The following HOXD3 variants were observed in gnomAD, a reference collection of about 807,000 sequenced individuals.
The protein encoded by HOXD3 is homeobox protein Hox-D3.
A neutral mutation model predicts 32.8 loss-of-function variants in HOXD3; 13 were observed. That is an observed-to-expected ratio of 0.40 (90% CI 0.26 to 0.63). HOXD3 has a LOEUF of 0.63. Ranked by LOEUF, HOXD3 falls within the 20% of genes least tolerant of loss-of-function variation. The pLI, the probability that HOXD3 is intolerant of heterozygous loss-of-function variation, is 0.44. For synonymous variants in HOXD3, 241 were observed against 246.8 expected (o/e 0.98, Z 0.22); for missense variants, 504 against 577.1 (o/e 0.87, Z 1.30).
intron 1 of HOXD3, among the ~76,000 whole-genome samples, chr2:176,159,795 G>T (rs919613066): frequency 6.6e-6 from 1 of 152,226 alleles, no homozygotes; most frequent in African/African-American, 2.4e-5. Flanking sequence ...TCGCCTTCCT[G>T]GAGGCGCCGC....
chr2:176,152,664 C>A, upstream of HOXD3: 1 of 1,614,170 alleles, frequency 6.2e-7, no homozygotes, highest in Non-Finnish European at 8.5e-7. The surrounding 1 kb of genome is among the most constrained non-coding windows in gnomAD (Gnocchi z 5.2). Context: ...CTACACCCGG[C>A]AGCAAGTCCT....
Position 176,172,060 on chromosome 2 carries a change from T to A in HOXD3, c.1085T>A (p.Phe362Tyr), listed in dbSNP as rs760531566. The change falls in exon 4 of 4, where the codon TTC becomes TAC. Residue 362 changes from phenylalanine (F) to tyrosine (Y), a missense_variant. Phe to Tyr is a conservative substitution (Grantham distance 22). Around this residue, in one of 3 missense-constraint regions of HOXD3, gnomAD observed 226 missense variants for 246.9 expected, o/e 0.92. Transcript: ENST00000683222. ...QGSPVYVGGN[F>Y]VESMAPASGP... The stretch of plus-strand genomic sequence containing the variant: ...AGCCCGGTGTACGTGGGCGGCAACT[T>A]CGTCGAGTCCATGGCGCCCGCGTCC... The A allele has an allele frequency of 6.2e-7, 1 of 1,609,872 alleles. No homozygotes were observed. Among genetic ancestry groups the A allele is most frequent in the Non-Finnish European group, 8.5e-7 (1 of 1,179,274 alleles).
chr2:176,171,665 G>C lies in HOXD3; in HGVS notation c.690G>C (p.Leu230=), dbSNP rs774817745. 1.2e-6 allele frequency: 2 copies of C among 1,614,064 alleles called. No individual in the cohort carries two copies. Among genetic ancestry groups the C allele is most frequent in the Non-Finnish European group, 1.7e-6 (2 of 1,180,056 alleles). The change falls in exon 4 of 4, where the codon CTG becomes CTC. Residue 230 remains leucine, a synonymous_variant. Coordinates refer to ENST00000683222, the MANE Select transcript of HOXD3 (RefSeq NM_006898.5). ...CGCGCCGCGTGGAGATGGCCAACCT[G>C]CTGAATCTCACGGAACGCCAGATCA... ...CRPRRVEMAN[L]LNLTERQIKI... is the part of the protein sequence containing the mutation.
Position 176,172,570 on chromosome 2 carries a change from T to G in HOXD3, c.*296T>G. 2.5e-6 allele frequency: 1 copy of G among 406,460 alleles called. No homozygotes were observed. Among genetic ancestry groups the G allele is most frequent in the Middle Eastern group, 6.4e-4 (1 of 1,556 alleles). 25.2% of individuals were successfully genotyped at this position (406,460 alleles called of 1,614,324 possible). On this transcript the variant is annotated 3_prime_UTR_variant, in exon 4 of 4. Transcript: ENST00000683222. ...CTGGTAATGGTGTCCCAAAGGTAAG[T>G]CTGAGACCCATCAGCGGCGCGCCCT...
At chr2:176,161,454 G>T (rs1165622393) in intron 1 of HOXD3, among the ~76,000 whole-genome samples, 1 of 152,172 alleles carries the variant, frequency 6.6e-6, no homozygotes, top group East Asian at 1.9e-4. Flanking sequence ...GGCTGAAAAA[G>T]AAATTAAAAC....
intron 1 of HOXD3, among the ~76,000 whole-genome samples, chr2:176,159,514 G>T (rs1225564718): frequency 6.6e-6 from 1 of 152,196 alleles, no homozygotes; most frequent in African/African-American, 2.4e-5. Flanking sequence ...AGCTGGCAAC[G>T]AAACCAAAAC....
upstream of HOXD3, among the ~76,000 whole-genome samples, chr2:176,154,433 C>T (rs1330609250): frequency 1.3e-5 from 2 of 151,950 alleles, no homozygotes; most frequent in Admixed American, 1.3e-4. Context: ...AGGCCTCAGG[C>T]TCCAAAAAAG....
At chr2:176,159,406 T>C (rs2105432247) in intron 1 of HOXD3, among the ~76,000 whole-genome samples, 1 of 152,280 alleles carries the variant, frequency 6.6e-6, no homozygotes, top group African/African-American at 2.4e-5. Context: ...CCTTACCCAC[T>C]CCTCTGGGGC....
rs1342877108 is a variant in HOXD3 at position 176,172,438 on chromosome 2, G to GC, written c.*166dup. The GC allele has an allele frequency of 1.6e-6, 1 of 638,314 alleles. No homozygotes were observed. The highest frequency in any genetic ancestry group is 2.6e-6 in the Non-Finnish European group (1 of 378,222). 39.5% of individuals were successfully genotyped at this position (638,314 alleles called of 1,614,324 possible). On this transcript the variant is annotated 3_prime_UTR_variant, in exon 4 of 4. Transcript: ENST00000683222. The stretch of plus-strand genomic sequence containing the variant: ...CAGCGGCGGAGGCGCAGGCGACCGG[G>GC]CCTCCCCTCCATGGGCGTCCTTTGG...
intron 1 of HOXD3, among the ~76,000 whole-genome samples, chr2:176,160,732 G>C (rs1045253749): frequency 6.6e-6 from 1 of 152,154 alleles, no homozygotes; most frequent in Non-Finnish European, 1.5e-5. Context: ...GCTCTGGGGG[G>C]CCTGGGAGGG....
upstream of HOXD3, chr2:176,152,928 C>G: frequency 1.9e-6 from 3 of 1,614,174 alleles, no homozygotes; most frequent in South Asian, 1.1e-5. This position sits in a 1 kb window ranked among gnomAD's most constrained non-coding sequence, Gnocchi z 5.2. Flanking sequence ...CCACACGGAC[C>G]TGACGACCTT....
chr2:176,168,079 T>C (rs1691038237), intron 2 of HOXD3, among the ~76,000 whole-genome samples: 1 of 152,130 alleles, frequency 6.6e-6, no homozygotes, highest in African/African-American at 2.4e-5. Context: ...AAACTCTTCT[T>C]ACATTTAGGA....
intron 3 of HOXD3, 24 bp from the exon 4 acceptor site, chr2:176,171,493 C>A: frequency 6.4e-7 from 1 of 1,556,578 alleles, no homozygotes; most frequent in Non-Finnish European, 8.7e-7. Flanking sequence ...GCTCAGCGCC[C>A]TCCCTCTCTC....
Position 176,172,314 on chromosome 2 carries a change from C to T in HOXD3, c.*40C>T, listed in dbSNP as rs776921010. Reference sequence around the variant, plus strand: ...CCGAACTCGCGGCAAAATTACCTCTCTTGCTGTAGTGGTGGGGTAGAGGGT... The same window carrying T: ...CCGAACTCGCGGCAAAATTACCTCTTTTGCTGTAGTGGTGGGGTAGAGGGT... On this transcript the variant is annotated 3_prime_UTR_variant, in exon 4 of 4. Coordinates refer to ENST00000683222, the MANE Select transcript of HOXD3 (RefSeq NM_006898.5). The T allele has an allele frequency of 1.9e-6, 3 of 1,550,828 alleles. No individual in the cohort carries two copies. Among genetic ancestry groups the T allele is most frequent in the Non-Finnish European group, 2.6e-6 (3 of 1,151,056 alleles).
At chr2:176,152,769 A>G, upstream of HOXD3, 1 of 1,614,220 alleles carries the variant, frequency 6.2e-7, no homozygotes, top group Non-Finnish European at 8.5e-7. This position sits in a 1 kb window ranked among gnomAD's most constrained non-coding sequence, Gnocchi z 5.2. Flanking sequence ...GCGCCAGATC[A>G]AGATCTGGTT....
upstream of HOXD3, among the ~76,000 whole-genome samples, chr2:176,154,690 G>T (rs370625785): frequency 6.6e-6 from 1 of 152,192 alleles, no homozygotes; most frequent in Non-Finnish European, 1.5e-5. Flanking sequence ...CTGAAATTCC[G>T]CTTCTCTGAA....
chr2:176,171,215 T>G (rs1691162834), intron 3 of HOXD3, among the ~76,000 whole-genome samples: 1 of 152,110 alleles, frequency 6.6e-6, no homozygotes, highest in South Asian at 2.1e-4. Context: ...AACTCTTTCA[T>G]GGCCTTTGGG....
chr2:176,167,230 T>C (rs1690999547), intron 2 of HOXD3, among the ~76,000 whole-genome samples: 1 of 152,188 alleles, frequency 6.6e-6, no homozygotes, highest in South Asian at 2.1e-4. Flanking sequence ...CCATTCATCA[T>C]GTCATGAAAG....
chr2:176,167,926 C>T (rs899637366), intron 2 of HOXD3, among the ~76,000 whole-genome samples: 4 of 152,132 alleles, frequency 2.6e-5, no homozygotes, highest in Admixed American at 2.6e-4. Context: ...GTTTAGTGGG[C>T]GAATCAGCCA....
Sources: allele counts gnomAD v4.1 joint callset (sites outside exome capture counted in the v4.1 genomes callset), GRCh38; gene constraint gnomAD v4.1.1; regional missense constraint gnomAD v4.1.1; non-coding constraint Gnocchi (gnomAD v3.1); transcripts MANE v1.5; gene names NCBI Gene and HGNC (gene_info 2026-07-23, HGNC 2026-07-21).